Variants in PTPRM observed in about 807,000 individuals in gnomAD.
PTPRM encodes the protein protein tyrosine phosphatase receptor type M, also known as receptor-type tyrosine-protein phosphatase mu.
PTPRM carries 47 observed loss-of-function variants against 186.7 expected under a neutral mutation model. The observed-to-expected ratio is 0.25, with a 90% confidence interval of 0.20 to 0.32. The LOEUF is 0.32. PTPRM is among the 10% of genes least tolerant of loss of function. PTPRM has a pLI of 1.00. For missense variants in PTPRM, 1,494 were observed against 1,865.0 expected (o/e 0.80, Z 3.66); for synonymous variants, 668 against 674.9 (o/e 0.99, Z 0.16).
At chr18:8,383,229 C>T (rs113400726) in intron 29 of PTPRM, among the ~76,000 whole-genome samples, 5,624 of 115,484 alleles carry the variant, frequency 0.049, 137 homozygotes, top group East Asian at 0.13. Context: ...ACCCGGGGGG[C>T]GGAGTTTGTG....
chr18:7,632,893 G>T (rs2144095151), intron 1 of PTPRM, among the ~76,000 whole-genome samples: 1 of 152,314 alleles, frequency 6.6e-6, no homozygotes, highest in East Asian at 1.9e-4. Context: ...TCTTATGTCA[G>T]CAATTAGCAG....
At chr18:8,282,791 A>G (rs1030035513) in intron 19 of PTPRM, among the ~76,000 whole-genome samples, 4 of 152,216 alleles carry the variant, frequency 2.6e-5, no homozygotes, top group African/African-American at 9.6e-5. Context: ...AATATCCATA[A>G]CAGCTTTATT....
intron 3 of PTPRM, among the ~76,000 whole-genome samples, chr18:7,900,918 C>T (rs2049640448): frequency 6.6e-6 from 1 of 152,174 alleles, no homozygotes; most frequent in Non-Finnish European, 1.5e-5. Context: ...TTCAAACCTT[C>T]TAATATAGAA....
intron 7 of PTPRM, among the ~76,000 whole-genome samples, chr18:8,046,759 G>A (rs118066856): frequency 6.6e-6 from 1 of 152,208 alleles, no homozygotes; most frequent in East Asian, 1.9e-4. Context: ...TCCCAGTGTG[G>A]TCAGATTGAC....
chr18:7,767,810 T>A (rs1454925555), intron 1 of PTPRM, among the ~76,000 whole-genome samples: 2 of 152,208 alleles, frequency 1.3e-5, no homozygotes, highest in African/African-American at 4.8e-5. Context: ...CCAACCATAC[T>A]AGAAAAATGA....
At chr18:7,785,144 C>A (rs1219917900) in intron 2 of PTPRM, among the ~76,000 whole-genome samples, 1 of 151,978 alleles carries the variant, frequency 6.6e-6, no homozygotes, top group East Asian at 1.9e-4. Context: ...AGGAAGAGGT[C>A]CAGACATAGG....
chr18:8,152,781 G>A (rs904586131), intron 14 of PTPRM, among the ~76,000 whole-genome samples: 5 of 124,232 alleles, frequency 4.0e-5, no homozygotes, highest in South Asian at 2.8e-4. Flanking sequence ...GCAATGGCAC[G>A]ATCTGAGCTC....
intron 1 of PTPRM, among the ~76,000 whole-genome samples, chr18:7,695,738 C>A (rs1312756652): frequency 6.6e-6 from 1 of 152,158 alleles, no homozygotes; most frequent in African/African-American, 2.4e-5. Context: ...TAGTGCCAGG[C>A]TGCATATTAA....
At chr18:8,025,334 C>G (rs1053011931) in intron 7 of PTPRM, among the ~76,000 whole-genome samples, 1 of 152,126 alleles carries the variant, frequency 6.6e-6, no homozygotes, top group African/African-American at 2.4e-5. Flanking sequence ...TAACTCTGGT[C>G]TGAAAACGTT....
At chr18:8,322,807 T>A (rs1297541334) in intron 22 of PTPRM, among the ~76,000 whole-genome samples, 1 of 151,720 alleles carries the variant, frequency 6.6e-6, no homozygotes. Flanking sequence ...CCTGGATAAG[T>A]GTTCTTTTGA....
intron 2 of PTPRM, among the ~76,000 whole-genome samples, chr18:7,842,802 A>ATG (rs200344025): frequency 0.011 from 1,528 of 139,242 alleles, 9 homozygotes; most frequent in Admixed American, 0.024. Flanking sequence ...ACATATGTTT[A>ATG]TGTGTGTGTG....
intron 7 of PTPRM, among the ~76,000 whole-genome samples, chr18:8,031,202 C>T (rs993849586): frequency 6.6e-6 from 1 of 152,178 alleles, no homozygotes; most frequent in Non-Finnish European, 1.5e-5. Flanking sequence ...CTTAAATCTT[C>T]ACCCACTTGA....
chr18:7,884,880 C>T (rs564538019), intron 2 of PTPRM, among the ~76,000 whole-genome samples: 77 of 134,580 alleles, frequency 5.7e-4, no homozygotes, highest in Non-Finnish European at 8.9e-4. Flanking sequence ...GCTGAGATCA[C>T]GCCATTGCAC....
intron 19 of PTPRM, among the ~76,000 whole-genome samples, chr18:8,255,624 T>TA (rs993790427): frequency 1.8e-4 from 27 of 151,324 alleles, no homozygotes; most frequent in Middle Eastern, 3.4e-3. Flanking sequence ...ATTGTTCATT[T>TA]AAAAAAAAAG....
chr18:7,603,181 G>T (rs563941313), intron 1 of PTPRM, among the ~76,000 whole-genome samples: 1 of 152,154 alleles, frequency 6.6e-6, no homozygotes, highest in African/African-American at 2.4e-5. Context: ...GCCTGCCTTG[G>T]CCTCCCAAAG....
intron 2 of PTPRM, among the ~76,000 whole-genome samples, chr18:7,875,228 G>A (rs908730959): frequency 1.3e-5 from 2 of 151,730 alleles, no homozygotes; most frequent in African/African-American, 4.8e-5. Context: ...CTTTACAAAT[G>A]ATAAGTGACA....
chr18:8,363,432 G>A (rs956829186), intron 23 of PTPRM, among the ~76,000 whole-genome samples: 3 of 152,064 alleles, frequency 2.0e-5, no homozygotes, highest in Non-Finnish European at 2.9e-5. Flanking sequence ...CAGAAAATAC[G>A]GATTTCTTTT....
Position 7,644,613 on chromosome 18 carries a change from C to T in PTPRM, c.73+76722C>T, listed in dbSNP as rs1598608664. 3.3e-5 allele frequency among the ~76,000 whole-genome samples: 5 copies of T among 151,870 alleles called. No individual in the cohort carries two copies. In the South Asian group the frequency reaches 1.0e-3, roughly 32 times the overall value. ...TAGAAAGAGAGTTATTCCATAAAAA[C>T]TCAGATGAGTCCCTTGGAAAGACTA... On this transcript the variant is annotated intron_variant, in intron 1 of 32. Coordinates refer to ENST00000580170, the MANE Select transcript of PTPRM (RefSeq NM_001105244.2).
intron 1 of PTPRM, among the ~76,000 whole-genome samples, chr18:7,708,745 T>C (rs2144763964): frequency 6.6e-6 from 1 of 152,252 alleles, no homozygotes; most frequent in Admixed American, 6.5e-5. Flanking sequence ...TTTTATTTCT[T>C]TAGTCCACTT....
Sources: allele counts gnomAD v4.1 joint callset (sites outside exome capture counted in the v4.1 genomes callset), GRCh38; gene constraint gnomAD v4.1.1; transcripts MANE v1.5; gene names NCBI Gene and HGNC (gene_info 2026-07-23, HGNC 2026-07-21).